The following PDE11A variants were observed in gnomAD, a reference collection of about 807,000 sequenced individuals.
PDE11A encodes the protein dual 3',5'-cyclic-AMP and -GMP phosphodiesterase 11A.
PDE11A carries 100 observed loss-of-function variants against 100.5 expected under a neutral mutation model. That is an observed-to-expected ratio of 1.00 (90% CI 0.85 to 1.18). The LOEUF (loss-of-function observed/expected upper bound fraction) is 1.18, where lower values mean the gene tolerates loss of function less well. Among genes scored for constraint, PDE11A ranks in the 50% most tolerant of loss-of-function variants. The pLI, the probability that PDE11A is intolerant of heterozygous loss-of-function variation, is 0.00. For missense variants in PDE11A, 1,141 were observed against 1,152.6 expected (o/e 0.99, Z 0.15); for synonymous variants, 381 against 420.8 (o/e 0.91, Z 1.16).
In PDE11A at chr2:177,795,934, A is replaced by AAT. The variant is rs1558942848; in HGVS notation, c.1737+20894_1737+20895insAT. On this transcript the variant is annotated intron_variant, in intron 9 of 19. Coordinates refer to ENST00000286063, the MANE Select transcript of PDE11A (RefSeq NM_016953.4). ...TAATTATTACTATTATTTTGTTTAA[A>AAT]CTATATATATATATATATATATATA... is the stretch of plus-strand genomic sequence containing the variant. Among the ~76,000 whole-genome samples the AAT allele has an allele frequency of 1.6e-3, 55 of 35,372 alleles. No homozygotes were observed. In the East Asian group the frequency reaches 0.019, roughly 12 times the overall value. 23.2% of individuals were successfully genotyped at this position (35,372 alleles called of 152,430 possible). A position where few individuals can be genotyped will look rare whatever the true frequency, so the allele number is the denominator to read the frequency against.
intron 12 of PDE11A, among the ~76,000 whole-genome samples, chr2:177,718,310 T>G (rs1025420856): frequency 5.9e-5 from 9 of 152,208 alleles, no homozygotes; most frequent in Non-Finnish European, 1.0e-4. Flanking sequence ...AAAGCCCAGG[T>G]AGCCTGGCTC....
chr2:177,726,770 G>C (rs2081605726), intron 12 of PDE11A, among the ~76,000 whole-genome samples: 5 of 151,186 alleles, frequency 3.3e-5, no homozygotes, highest in Admixed American at 1.3e-4. Context: ...TAGTCTGGGT[G>C]CAAAAATATA....
intron 10 of PDE11A, among the ~76,000 whole-genome samples, chr2:177,740,037 T>C (rs1339539694): frequency 1.3e-5 from 2 of 152,210 alleles, no homozygotes; most frequent in Admixed American, 6.5e-5. Context: ...ACACATCTCA[T>C]GTACACACTT....
At chr2:177,791,212 A>G (rs2082626231) in intron 9 of PDE11A, among the ~76,000 whole-genome samples, 1 of 152,042 alleles carries the variant, frequency 6.6e-6, no homozygotes, top group South Asian at 2.1e-4. Context: ...CAGCCATAAA[A>G]AATGATGAGT....
intron 1 of PDE11A, among the ~76,000 whole-genome samples, chr2:178,034,965 C>A (rs2086592916): frequency 6.6e-6 from 1 of 152,158 alleles, no homozygotes; most frequent in Non-Finnish European, 1.5e-5. Flanking sequence ...ATTAAAAGAA[C>A]TAGAGAAGCA....
chr2:177,904,546 T>C lies in PDE11A; in HGVS notation c.1161+552A>G, dbSNP rs1359209516. Among the ~76,000 whole-genome samples, 3 of 149,318 alleles carry C rather than the reference T, an allele frequency of 2.0e-5. No homozygotes were observed. The East Asian group carries it at 5.9e-4, about 29-fold the overall frequency. ...CTGCTGCCTTATAGTATAGATGTGA[T>C]ATTAATCTCCTTTTTTTTTTTTTTT... On this transcript the variant is annotated intron_variant, in intron 3 of 19. Coordinates refer to ENST00000286063, the MANE Select transcript of PDE11A (RefSeq NM_016953.4).
intron 4 of PDE11A, among the ~76,000 whole-genome samples, chr2:177,892,298 GTT>G (rs145291391): frequency 6.6e-6 from 1 of 151,696 alleles, no homozygotes; most frequent in South Asian, 2.1e-4. Flanking sequence ...GCTTCTTACG[GTT>G]TTTTTCCAAA....
rs1050293235 is a variant in PDE11A at position 177,623,285 on chromosome 2, C to T, written c.*6122G>A. ...GTATTTTATTAAAAACAAAGATATT[C>T]AGGTCTCTTAAAGCGGGCTTCCAAA... On this transcript the variant is annotated 3_prime_UTR_variant, in exon 20 of 20. Transcript: ENST00000286063. 2 of 152,272 alleles carry T rather than the reference C, an allele frequency of 1.3e-5. No individual in the cohort carries two copies. The highest frequency in any genetic ancestry group is 3.9e-4 in the East Asian group (2 of 5,190). The allele number at this position is 152,272 out of a possible 1,614,324, so 9.4% of individuals were successfully genotyped here.
intron 10 of PDE11A, among the ~76,000 whole-genome samples, chr2:177,764,219 G>T (rs973896479): frequency 4.6e-5 from 7 of 151,970 alleles, no homozygotes; most frequent in Non-Finnish European, 7.4e-5. Context: ...TTATTTACTA[G>T]GATATTAATT....
intron 9 of PDE11A, among the ~76,000 whole-genome samples, chr2:177,777,073 A>G (rs960369819): frequency 1.3e-4 from 20 of 152,094 alleles, no homozygotes; most frequent in African/African-American, 4.6e-4. Context: ...AAGTTTCCTG[A>G]GGCCTCCCCA....
intron 10 of PDE11A, among the ~76,000 whole-genome samples, chr2:177,752,805 C>A (rs1475871407): frequency 6.6e-6 from 1 of 152,132 alleles, no homozygotes. Context: ...ATTATTTATA[C>A]CCATTAGAGG....
At chr2:177,689,565 A>G (rs1197341165) in intron 15 of PDE11A, among the ~76,000 whole-genome samples, 1 of 152,220 alleles carries the variant, frequency 6.6e-6, no homozygotes, top group Non-Finnish European at 1.5e-5. Context: ...TTTGCATACA[A>G]ACATTGAAGA....
At chr2:177,803,937 T>G (rs2082829989) in intron 9 of PDE11A, among the ~76,000 whole-genome samples, 1 of 151,898 alleles carries the variant, frequency 6.6e-6, no homozygotes, top group East Asian at 1.9e-4. Flanking sequence ...TGGACCCATA[T>G]TTCTCACTAT....
At chr2:178,056,255 A>G (rs1261410815) in intron 1 of PDE11A, among the ~76,000 whole-genome samples, 2 of 152,144 alleles carry the variant, frequency 1.3e-5, no homozygotes, top group Admixed American at 6.5e-5. Flanking sequence ...TCTTTTCTGT[A>G]TACAAAAGAA....
At chr2:178,013,259 T>G (rs2086293271) in intron 2 of PDE11A, among the ~76,000 whole-genome samples, 1 of 152,156 alleles carries the variant, frequency 6.6e-6, no homozygotes. Flanking sequence ...TTTGTGCCTC[T>G]TAGGATCCCA....
intron 13 of PDE11A, among the ~76,000 whole-genome samples, chr2:177,710,824 A>G (rs2081348748): frequency 6.6e-6 from 1 of 152,202 alleles, no homozygotes; most frequent in African/African-American, 2.4e-5. Flanking sequence ...ATGAGCTGAA[A>G]AGAACCTGTT....
At chr2:177,785,378 G>C (rs2082517445) in intron 9 of PDE11A, among the ~76,000 whole-genome samples, 1 of 124,962 alleles carries the variant, frequency 8.0e-6, no homozygotes, top group Non-Finnish European at 1.8e-5. Context: ...TGTTAGAATA[G>C]CGTTTAAAGA....
chr2:178,028,993 C>T (rs1274924117), intron 1 of PDE11A, among the ~76,000 whole-genome samples: 1 of 152,308 alleles, frequency 6.6e-6, no homozygotes, highest in African/African-American at 2.4e-5. Context: ...CTAGATACTC[C>T]TTCAGATGGC....
intron 2 of PDE11A, among the ~76,000 whole-genome samples, chr2:177,994,602 A>G (rs2086047345): frequency 6.6e-6 from 1 of 152,206 alleles, no homozygotes; most frequent in Admixed American, 6.5e-5. Flanking sequence ...CAAGAAGGAG[A>G]ATGACTTATT....
Sources: allele counts gnomAD v4.1 joint callset (sites outside exome capture counted in the v4.1 genomes callset), GRCh38; gene constraint gnomAD v4.1.1; transcripts MANE v1.5; gene names NCBI Gene and HGNC (gene_info 2026-07-23, HGNC 2026-07-21).